GFRAL: variants seen among roughly 807,000 people sequenced by gnomAD.
GFRAL encodes the protein GDNF family receptor alpha like.
GFRAL carries 36 observed loss-of-function variants against 45.4 expected under a neutral mutation model. That is an observed-to-expected ratio of 0.79 (90% CI 0.61 to 1.05). The LOEUF is 1.05. Ranked by LOEUF, GFRAL falls within the 50% of genes least tolerant of loss-of-function variation. The pLI is 0.00. For synonymous variants in GFRAL, 166 were observed against 154.1 expected (o/e 1.08, Z -0.57); for missense variants, 507 against 467.5 (o/e 1.08, Z -0.78).
At chr6:55,386,198 C>T (rs1264559218) in intron 6 of GFRAL, among the ~76,000 whole-genome samples, 1 of 151,968 alleles carries the variant, frequency 6.6e-6, no homozygotes, top group East Asian at 1.9e-4. Context: ...CCTTTTATTG[C>T]TTTGTTTTAA....
Position 55,356,709 on chromosome 6 carries a change from C to T in GFRAL, c.702-2179C>T, listed in dbSNP as rs1482917951. Reference sequence around the variant, plus strand: ...TGTTTCACTTTCATTTATTTCTGCTCTGAAGTTTATTTTCTACTATTAATT... The same window carrying T: ...TGTTTCACTTTCATTTATTTCTGCTTTGAAGTTTATTTTCTACTATTAATT... On this transcript the variant is annotated intron_variant, in intron 5 of 8. Transcript: ENST00000340465. Among the ~76,000 whole-genome samples the T allele has an allele frequency of 2.6e-5, 4 of 151,588 alleles. No homozygotes were observed. In the East Asian group the frequency reaches 7.7e-4, roughly 29 times the overall value.
At position 55,344,691 on chromosome 6, in the gene GFRAL, C is replaced by T. The variant is rs554737847; in HGVS notation, c.317-5401C>T. Among the ~76,000 whole-genome samples, 45 of 152,066 alleles carry T rather than the reference C, an allele frequency of 3.0e-4. 1 individual carries two copies. Among genetic ancestry groups the T allele is most frequent in the Middle Eastern group, 3.4e-3 (1 of 294 alleles). ...ACATAGTGTTGGAAGTTCTGGCCAG[C>T]GCAATCAGGCAGGAGAAAGAAATAA... is the stretch of plus-strand genomic sequence containing the variant. On this transcript the variant is annotated intron_variant, in intron 3 of 8. Coordinates refer to ENST00000340465, the MANE Select transcript of GFRAL (RefSeq NM_207410.2).
chr6:55,333,991 A>C, intron 3 of GFRAL, 47 bp downstream of exon 3: 1 of 1,165,608 alleles, frequency 8.6e-7, no homozygotes, highest in Non-Finnish European at 1.2e-6. Flanking sequence ...AAAAGAAAGC[A>C]ACAATTTCAA....
chr6:55,353,826 CTGAAATCAATGAAATA>C (rs1376238907), intron 5 of GFRAL, among the ~76,000 whole-genome samples: 2 of 151,978 alleles, frequency 1.3e-5, no homozygotes, highest in African/African-American at 4.8e-5. Context: ...ATGGTATCTT[CTGAAATCAATGAAATA>C]TGAAATCAAT....
chr6:55,360,624 A>T (rs553030143), intron 6 of GFRAL, among the ~76,000 whole-genome samples: 115 of 152,080 alleles, frequency 7.6e-4, no homozygotes, highest in Non-Finnish European at 1.4e-3. Flanking sequence ...AACACTACAG[A>T]TATATTTCAA....
intron 5 of GFRAL, among the ~76,000 whole-genome samples, chr6:55,355,603 A>G (rs1212387583): frequency 6.6e-6 from 1 of 151,964 alleles, no homozygotes; most frequent in Non-Finnish European, 1.5e-5. Flanking sequence ...GAATTTGTTG[A>G]TCAGTTCTAA....
intron 2 of GFRAL, among the ~76,000 whole-genome samples, chr6:55,333,202 A>G (rs1298408198): frequency 2.6e-5 from 4 of 152,134 alleles, no homozygotes; most frequent in African/African-American, 9.7e-5. Context: ...GAAATAAACT[A>G]AGGTAGTTTT....
rs1321193778 is a variant in GFRAL, at chr6:55,351,680, C to T, written c.701+97C>T. ...GATCTCATAACATTAGCTAGAGTTC[C>T]CACCATCATCCAACATAGTGTAAAT... On this transcript the variant is annotated intron_variant, in intron 5 of 8. Coordinates refer to ENST00000340465, the MANE Select transcript of GFRAL (RefSeq NM_207410.2). 1.3e-5 allele frequency: 10 copies of T among 781,490 alleles called. No homozygotes were observed. In the East Asian group the frequency reaches 2.4e-4, roughly 18 times the overall value. The allele number at this position is 781,490 out of a possible 1,614,324, so 48.4% of individuals were successfully genotyped here. A position where few individuals can be genotyped will look rare whatever the true frequency, so the allele number is the denominator to read the frequency against.
At chr6:55,381,607 A>G (rs960597193) in intron 6 of GFRAL, among the ~76,000 whole-genome samples, 4 of 151,904 alleles carry the variant, frequency 2.6e-5, no homozygotes, top group African/African-American at 9.7e-5. Context: ...ATAGTCTTAC[A>G]TTTTTTTCCT....
chr6:55,328,540 A>T (rs959863023), intron 1 of GFRAL, among the ~76,000 whole-genome samples: 2 of 151,818 alleles, frequency 1.3e-5, no homozygotes, highest in Non-Finnish European at 2.9e-5. Flanking sequence ...ATATTTTTCC[A>T]TTGTTCCATA....
At chr6:55,355,831 C>T (rs4715533) in intron 5 of GFRAL, among the ~76,000 whole-genome samples, 18,340 of 151,812 alleles carry the variant, frequency 0.12, 1,256 homozygotes, top group African/African-American at 0.19. Context: ...AGTTTTTCCC[C>T]ATTTTATATG....
At chr6:55,357,465 A>T (rs1355710404) in intron 5 of GFRAL, among the ~76,000 whole-genome samples, 1 of 151,670 alleles carries the variant, frequency 6.6e-6, no homozygotes, top group Non-Finnish European at 1.5e-5. Flanking sequence ...ATTTTGTCTA[A>T]TTAAAGTATA....
At chr6:55,375,427 C>G (rs777179794) in intron 6 of GFRAL, among the ~76,000 whole-genome samples, 7 of 152,062 alleles carry the variant, frequency 4.6e-5, no homozygotes, top group Non-Finnish European at 1.0e-4. Flanking sequence ...CTCTGCTTGT[C>G]TGTTGTTTGT....
At chr6:55,368,087 T>C (rs1355931129) in intron 6 of GFRAL, among the ~76,000 whole-genome samples, 25 of 147,796 alleles carry the variant, frequency 1.7e-4, no homozygotes, top group Admixed American at 1.4e-3. Flanking sequence ...ACCAATCAGA[T>C]GTAGATTTGG....
chr6:55,381,275 A>C (rs544883443), intron 6 of GFRAL, among the ~76,000 whole-genome samples: 1 of 152,050 alleles, frequency 6.6e-6, no homozygotes, highest in African/African-American at 2.4e-5. Flanking sequence ...AAATGTATAT[A>C]GTCTTTTTCA....
intron 6 of GFRAL, among the ~76,000 whole-genome samples, chr6:55,375,841 C>T (rs1045423345): frequency 6.6e-6 from 1 of 152,022 alleles, no homozygotes; most frequent in Non-Finnish European, 1.5e-5. Flanking sequence ...TATCTGAATA[C>T]CCTTTATTTC....
At chr6:55,374,507 T>C (rs1003000991) in intron 6 of GFRAL, among the ~76,000 whole-genome samples, 2 of 152,224 alleles carry the variant, frequency 1.3e-5, no homozygotes, top group African/African-American at 4.8e-5. Context: ...TTGTTTAAGT[T>C]ACTTGTAGAT....
At chr6:55,359,584 C>T (rs542576638) in intron 6 of GFRAL, among the ~76,000 whole-genome samples, 2 of 152,030 alleles carry the variant, frequency 1.3e-5, no homozygotes, top group Non-Finnish European at 2.9e-5. Context: ...TGGGGGGTCA[C>T]TCATGTGCCT....
In GFRAL at chr6:55,331,713, A is replaced by G. The variant is rs1159611126; in HGVS notation, c.23-2A>G. On this transcript the variant is annotated splice_acceptor_variant, in intron 1 of 8. Coordinates refer to ENST00000340465, the MANE Select transcript of GFRAL (RefSeq NM_207410.2). LOFTEE classifies it high-confidence loss of function. The stretch of plus-strand genomic sequence containing the variant: ...ACCTTGTTTTTGTTGTTGTTATTCA[A>G]GCTATGGGGTTAAGCTTGGAAAATG... 1 of 1,603,268 alleles carries G rather than the reference A, an allele frequency of 6.2e-7. No individual in the cohort carries two copies. Among genetic ancestry groups the G allele is most frequent in the African/African-American group, 1.3e-5 (1 of 74,508 alleles).
Sources: gnomAD v4.1 joint callset for allele counts (sites outside exome capture counted in the v4.1 genomes callset) on GRCh38, gnomAD v4.1.1 for gene constraint, MANE v1.5 for transcripts, NCBI Gene and HGNC (gene_info 2026-07-23, HGNC 2026-07-21) for gene names.